The following SOX6 variants were observed in gnomAD, a reference collection of about 807,000 sequenced individuals.
SOX6 encodes transcription factor SOX-6.
SOX6 carries 11 observed loss-of-function variants against 97.8 expected under a neutral mutation model. The observed-to-expected ratio is 0.11, with a 90% CI of 0.07 to 0.19. SOX6 has a LOEUF of 0.19. SOX6 is among the 10% of genes least tolerant of loss of function. The pLI, the probability that SOX6 is intolerant of heterozygous loss-of-function variation, is 1.00. For synonymous variants in SOX6, 360 were observed against 371.4 expected (o/e 0.97, Z 0.35); for missense variants, 810 against 1,039.5 (o/e 0.78, Z 3.04).
chr11:16,578,361 A>AT (rs1360778419), intron 4 of SOX6, among the ~76,000 whole-genome samples: 1 of 152,054 alleles, frequency 6.6e-6, no homozygotes, highest in Non-Finnish European at 1.5e-5. Flanking sequence ...TTTTAATCGT[A>AT]TTTTTTCCAT....
At chr11:16,691,132 G>A (rs1848010122) in intron 3 of SOX6, among the ~76,000 whole-genome samples, 1 of 152,136 alleles carries the variant, frequency 6.6e-6, no homozygotes, top group Non-Finnish European at 1.5e-5. Context: ...ACCCTCCTTG[G>A]AGTTAGTTGG....
At chr11:16,264,010 T>G (rs1199510858) in intron 3 of SOX6, among the ~76,000 whole-genome samples, 1 of 151,984 alleles carries the variant, frequency 6.6e-6, no homozygotes, top group South Asian at 2.1e-4. Context: ...GGTTATATCA[T>G]CTGAAATACA....
chr11:16,186,554 T>C (rs1851481846), intron 5 of SOX6, among the ~76,000 whole-genome samples: 1 of 152,118 alleles, frequency 6.6e-6, no homozygotes, highest in South Asian at 2.1e-4. Flanking sequence ...AAACAATGTA[T>C]CATTTTAGTT....
intron 3 of SOX6, among the ~76,000 whole-genome samples, chr11:16,661,607 G>A (rs929864941): frequency 6.6e-6 from 1 of 152,000 alleles, no homozygotes; most frequent in African/African-American, 2.4e-5. Context: ...AAGTACAGTG[G>A]CGGGGGCATA....
chr11:16,235,400 A>T (rs534996109), intron 3 of SOX6, among the ~76,000 whole-genome samples: 1 of 152,192 alleles, frequency 6.6e-6, no homozygotes, highest in South Asian at 2.1e-4. Flanking sequence ...TCCAAACTTT[A>T]GAATGTCTTG....
chr11:16,127,606 CT>C (rs1849639285), intron 6 of SOX6, among the ~76,000 whole-genome samples: 1 of 152,126 alleles, frequency 6.6e-6, no homozygotes, highest in Non-Finnish European at 1.5e-5. Context: ...TTGTTAGCCA[CT>C]CTCAAACATG....
At chr11:16,391,406 T>G (rs1004971418) in intron 1 of SOX6, among the ~76,000 whole-genome samples, 16 of 152,218 alleles carry the variant, frequency 1.1e-4, no homozygotes, top group African/African-American at 3.4e-4. Flanking sequence ...CCCAAGCTCT[T>G]GTCACATTAT....
At chr11:16,646,763 T>C (rs147463021) in intron 3 of SOX6, among the ~76,000 whole-genome samples, 1,704 of 152,290 alleles carry the variant, frequency 0.011, 24 homozygotes, top group African/African-American at 0.039. Context: ...AGAATAATAG[T>C]CTCCAGTTCC....
chr11:16,257,232 A>G (rs1853721886), intron 3 of SOX6, among the ~76,000 whole-genome samples: 1 of 151,906 alleles, frequency 6.6e-6, no homozygotes, highest in South Asian at 2.1e-4. Flanking sequence ...ATGAAGAGGC[A>G]AAAGACACAG....
chr11:16,224,159 G>T (rs1356658546), intron 4 of SOX6, among the ~76,000 whole-genome samples: 1 of 151,750 alleles, frequency 6.6e-6, no homozygotes, highest in Non-Finnish European at 1.5e-5. Flanking sequence ...TTGAAACCAG[G>T]TATGATTTTT....
intron 4 of SOX6, among the ~76,000 whole-genome samples, chr11:16,575,606 A>G (rs1177169937): frequency 6.6e-6 from 1 of 152,228 alleles, no homozygotes; most frequent in Non-Finnish European, 1.5e-5. Context: ...AAAAATTGGA[A>G]CATACACAAA....
chr11:16,543,985 G>A (rs2133179587), intron 4 of SOX6, among the ~76,000 whole-genome samples: 1 of 152,232 alleles, frequency 6.6e-6, no homozygotes, highest in Middle Eastern at 3.4e-3. Context: ...TCTGTTGACA[G>A]GTGAATAGAT....
At chr11:16,538,884 T>A (rs1861355944) in intron 4 of SOX6, among the ~76,000 whole-genome samples, 1 of 152,114 alleles carries the variant, frequency 6.6e-6, no homozygotes, top group Admixed American at 6.5e-5. Context: ...TGGGAGACTT[T>A]AACACCCCAC....
At chr11:16,428,351 T>C (rs1019214782) in intron 1 of SOX6, among the ~76,000 whole-genome samples, 6 of 152,252 alleles carry the variant, frequency 3.9e-5, no homozygotes, top group African/African-American at 1.4e-4. Context: ...TTTGTCAATT[T>C]TGGCTTTTGT....
intron 1 of SOX6, among the ~76,000 whole-genome samples, chr11:16,464,013 C>A (rs1859981901): frequency 6.6e-6 from 1 of 152,150 alleles, no homozygotes; most frequent in African/African-American, 2.4e-5. Flanking sequence ...CTAGGGACAT[C>A]CCTGATGGTT....
At chr11:16,341,277 T>G in intron 1 of SOX6, 25 bp from the exon 2 acceptor site, 1 of 1,610,832 alleles carries the variant, frequency 6.2e-7, no homozygotes, top group East Asian at 2.2e-5. Context: ...CAGAACGGAT[T>G]AAAAATGGCT....
intron 3 of SOX6, among the ~76,000 whole-genome samples, chr11:16,624,321 G>T (rs1034641116): frequency 6.6e-6 from 1 of 151,914 alleles, no homozygotes; most frequent in Non-Finnish European, 1.5e-5. Context: ...CCAAGTAGCT[G>T]GGACTACAAG....
intron 4 of SOX6, among the ~76,000 whole-genome samples, chr11:16,503,141 A>C (rs187969637): frequency 1.4e-3 from 210 of 152,304 alleles, no homozygotes; most frequent in African/African-American, 4.8e-3. Context: ...AAGAGAAATA[A>C]AGTCTTTTCT....
chr11:16,194,355 T>A (rs1252575358), intron 4 of SOX6, among the ~76,000 whole-genome samples: 1 of 152,170 alleles, frequency 6.6e-6, no homozygotes, highest in Non-Finnish European at 1.5e-5. Flanking sequence ...AATACTGGAA[T>A]TTCTTTGTTT....
Sources: gnomAD v4.1 joint callset for allele counts (sites outside exome capture counted in the v4.1 genomes callset) on GRCh38, gnomAD v4.1.1 for gene constraint, MANE v1.5 for transcripts, NCBI Gene and HGNC (gene_info 2026-07-23, HGNC 2026-07-21) for gene names.